The following SLA variants were observed in gnomAD, a reference collection of about 807,000 sequenced individuals.
SLA encodes Src like adaptor.
Under a neutral mutation model 30.3 loss-of-function variants are expected in SLA, and 16 were observed. That is an observed-to-expected ratio of 0.53 (90% confidence interval 0.36 to 0.80). SLA has a LOEUF of 0.80. Ranked by LOEUF, SLA falls within the 30% of genes least tolerant of loss-of-function variation. The pLI is 0.01. For synonymous variants in SLA, 143 were observed against 137.8 expected (o/e 1.04, Z -0.26); for missense variants, 310 against 345.2 (o/e 0.90, Z 0.81).
At chr8:133,054,278 G>A (rs1386989894) in intron 3 of SLA, among the ~76,000 whole-genome samples, 2 of 152,120 alleles carry the variant, frequency 1.3e-5, no homozygotes, top group East Asian at 3.9e-4. Flanking sequence ...GCAGACTTAA[G>A]ATAAGGAAAC....
At chr8:133,049,143 C>A in intron 5 of SLA, 2 of 456,420 alleles carry the variant, frequency 4.4e-6, no homozygotes, top group Non-Finnish European at 8.8e-6. Context: ...GTTCAGGGCT[C>A]CAAAGCCACC....
chr8:133,093,470 G>A (rs1301994739), intron 1 of SLA, among the ~76,000 whole-genome samples: 5 of 152,148 alleles, frequency 3.3e-5, no homozygotes, highest in Admixed American at 3.3e-4. Context: ...TGTCTAAGCG[G>A]TTAAGGACAG....
intron 1 of SLA, among the ~76,000 whole-genome samples, chr8:133,102,191 C>T (rs955072440): frequency 2.6e-5 from 4 of 152,210 alleles, no homozygotes; most frequent in African/African-American, 4.8e-5. Context: ...ATACAAAGAA[C>T]GTCCAATCTC....
intron 6 of SLA, among the ~76,000 whole-genome samples, chr8:133,045,387 CTTTTTTTTTTTT>C (rs5895172): frequency 1.5e-5 from 1 of 65,868 alleles, no homozygotes; most frequent in Non-Finnish European, 2.6e-5. Context: ...ATCCTCTTTG[CTTTTTTTTTTTT>C]TTTTTTTTTT....
intron 2 of SLA, among the ~76,000 whole-genome samples, chr8:133,070,482 T>A (rs1054986908): frequency 6.6e-6 from 1 of 152,186 alleles, no homozygotes; most frequent in Non-Finnish European, 1.5e-5. Flanking sequence ...AAGAACATAC[T>A]GTTTTATAGA....
intron 2 of SLA, among the ~76,000 whole-genome samples, chr8:133,066,451 G>A (rs962654475): frequency 2.0e-5 from 3 of 152,066 alleles, no homozygotes; most frequent in Admixed American, 6.6e-5. Context: ...ATGCATACAC[G>A]TGGAAAAATA....
At chr8:133,094,955 C>G in intron 1 of SLA, 2 of 1,579,440 alleles carry the variant, frequency 1.3e-6, no homozygotes, top group Non-Finnish European at 1.7e-6. Context: ...AGGAAGGATG[C>G]AGAACCCTGA....
intron 2 of SLA, among the ~76,000 whole-genome samples, chr8:133,064,665 G>A (rs541160048): frequency 7.9e-5 from 12 of 152,348 alleles, no homozygotes; most frequent in Admixed American, 2.6e-4. Flanking sequence ...TGGCGTTGCC[G>A]TCGACAACGT....
intron 2 of SLA, among the ~76,000 whole-genome samples, chr8:133,065,838 C>A (rs1300928071): frequency 6.6e-6 from 1 of 152,054 alleles, no homozygotes; most frequent in Non-Finnish European, 1.5e-5. Flanking sequence ...CCTTAGGAAG[C>A]ATAAACTTTG....
At chr8:133,069,430 G>T (rs1843612575) in intron 2 of SLA, among the ~76,000 whole-genome samples, 1 of 152,166 alleles carries the variant, frequency 6.6e-6, no homozygotes, top group African/African-American at 2.4e-5. Flanking sequence ...CAGGCATTTG[G>T]TCTAATGGGG....
At chr8:133,051,190 A>G (rs1194173511) in intron 3 of SLA, among the ~76,000 whole-genome samples, 2 of 152,178 alleles carry the variant, frequency 1.3e-5, no homozygotes, top group African/African-American at 4.8e-5. Context: ...AGGCTGTGAG[A>G]TGAGTCATGG....
chr8:133,093,078 A>T (rs1184942724), intron 1 of SLA, among the ~76,000 whole-genome samples: 3 of 151,526 alleles, frequency 2.0e-5, no homozygotes, highest in Middle Eastern at 3.2e-3. Flanking sequence ...TATTCAGAAC[A>T]CGGAGTTTTG....
At chr8:133,051,216 C>A (rs1205637489) in intron 3 of SLA, among the ~76,000 whole-genome samples, 1 of 152,194 alleles carries the variant, frequency 6.6e-6, no homozygotes. Flanking sequence ...GGCTTCAGCG[C>A]CTGTTACGAG....
chr8:133,099,891 A>ACT (rs954457438), intron 1 of SLA, among the ~76,000 whole-genome samples: 1 of 151,770 alleles, frequency 6.6e-6, no homozygotes, highest in African/African-American at 2.4e-5. Context: ...CTAGCCCCCA[A>ACT]CTCTCTCTCT....
chr8:133,101,203 G>A (rs1332085560), intron 1 of SLA, among the ~76,000 whole-genome samples: 1 of 152,132 alleles, frequency 6.6e-6, no homozygotes, highest in Non-Finnish European at 1.5e-5. Context: ...GAGATCCTCA[G>A]GATTCTACCC....
chr8:133,097,813 G>A (rs918253698), intron 1 of SLA, among the ~76,000 whole-genome samples: 20 of 152,150 alleles, frequency 1.3e-4, no homozygotes, highest in Admixed American at 1.0e-3. Context: ...ATATATTTAT[G>A]TGTGCGTGTG....
intron 2 of SLA, among the ~76,000 whole-genome samples, chr8:133,071,017 T>C (rs1843922697): frequency 6.6e-6 from 1 of 152,234 alleles, no homozygotes; most frequent in African/African-American, 2.4e-5. Context: ...TCCCCTGAGA[T>C]TGTGGCCAAG....
intron 1 of SLA, among the ~76,000 whole-genome samples, chr8:133,088,115 A>G (rs887207385): frequency 7.9e-5 from 12 of 152,252 alleles, no homozygotes; most frequent in African/African-American, 2.9e-4. Context: ...AGCAGAATGC[A>G]GCACGGTTGT....
intron 1 of SLA, among the ~76,000 whole-genome samples, chr8:133,080,249 G>A (rs994798299): frequency 1.3e-5 from 2 of 152,176 alleles, no homozygotes; most frequent in East Asian, 3.8e-4. Flanking sequence ...GAAAGGGAAT[G>A]AATATTGGGG....
Sources: gnomAD v4.1 joint callset for allele counts (sites outside exome capture counted in the v4.1 genomes callset) on GRCh38, gnomAD v4.1.1 for gene constraint, MANE v1.5 for transcripts, NCBI Gene and HGNC (gene_info 2026-07-23, HGNC 2026-07-21) for gene names.